Variants in PPP5C observed in about 807,000 individuals in gnomAD.
PPP5C encodes serine/threonine-protein phosphatase 5.
A neutral mutation model predicts 66.7 loss-of-function variants in PPP5C; 21 were observed. That is an observed-to-expected ratio of 0.31 (90% CI 0.22 to 0.45). The LOEUF (loss-of-function observed/expected upper bound fraction) is 0.45, where lower values mean the gene tolerates loss of function less well. PPP5C is among the 20% of genes least tolerant of loss of function. PPP5C has a pLI of 1.00. For synonymous variants in PPP5C, 246 were observed against 257.4 expected (o/e 0.96, Z 0.43); for missense variants, 464 against 675.9 (o/e 0.69, Z 3.48).
At chr19:46,370,196 A>G (rs555638721) in intron 2 of PPP5C, among the ~76,000 whole-genome samples, 52 of 152,202 alleles carry the variant, frequency 3.4e-4, no homozygotes, top group Non-Finnish European at 6.0e-4. Context: ...ATTTTTTAAA[A>G]CTTTCTCACT....
At chr19:46,360,104 A>G (rs1052734740) in intron 2 of PPP5C, among the ~76,000 whole-genome samples, 2 of 152,212 alleles carry the variant, frequency 1.3e-5, no homozygotes, top group Admixed American at 1.3e-4. Context: ...GAGAAGAATT[A>G]AAGTAAAACA....
intron 6 of PPP5C, 83 bp from the exon 7 acceptor site, chr19:46,384,721 G>A: frequency 9.4e-7 from 1 of 1,058,378 alleles, no homozygotes; most frequent in South Asian, 1.3e-5. Context: ...CAGCCCATCT[G>A]GCCCATCTTC....
At chr19:46,363,652 T>G (rs1245285965) in intron 2 of PPP5C, among the ~76,000 whole-genome samples, 1 of 151,954 alleles carries the variant, frequency 6.6e-6, no homozygotes, top group Non-Finnish European at 1.5e-5. Flanking sequence ...ATGGTCTCGA[T>G]CTCCTGACCT....
chr19:46,387,511 CCCCTGCAACCCAG>C, intron 9 of PPP5C, 58 bp downstream of exon 9: 1 of 1,613,584 alleles, frequency 6.2e-7, no homozygotes, highest in Non-Finnish European at 8.5e-7. Context: ...GCTGAGCTCT[CCCCTGCAACCCAG>C]CCCTGCCTCG....
At chr19:46,386,232 G>A (rs934517432) in intron 7 of PPP5C, among the ~76,000 whole-genome samples, 2 of 152,196 alleles carry the variant, frequency 1.3e-5, no homozygotes, top group African/African-American at 2.4e-5. Flanking sequence ...GTCCAGATGA[G>A]ATTAGACAAG....
chr19:46,387,044 C>T (rs1972901730), intron 7 of PPP5C, 49 bp from the exon 8 acceptor site: 11 of 1,613,522 alleles, frequency 6.8e-6, no homozygotes, highest in Non-Finnish European at 9.3e-6. Flanking sequence ...CTGGAGGACA[C>T]TGATGTACCT....
chr19:46,375,046 C>T (rs2147388544), intron 2 of PPP5C, among the ~76,000 whole-genome samples: 1 of 152,362 alleles, frequency 6.6e-6, no homozygotes, highest in East Asian at 1.9e-4. Context: ...CCACCTGCCC[C>T]TGCTGCATGC....
At chr19:46,357,757 G>A (rs192497839) in intron 2 of PPP5C, among the ~76,000 whole-genome samples, 8 of 152,318 alleles carry the variant, frequency 5.3e-5, no homozygotes, top group South Asian at 4.1e-4. Flanking sequence ...GATGAGATGC[G>A]CAGAGCAACG....
intron 11 of PPP5C, 110 bp from the exon 12 acceptor site, chr19:46,389,941 C>T: frequency 1.1e-6 from 1 of 924,280 alleles, no homozygotes; most frequent in Non-Finnish European, 1.7e-6. Flanking sequence ...TCTGTTGTGG[C>T]TCTGTCCCTC....
chr19:46,352,759 G>T (rs376428562), intron 1 of PPP5C, among the ~76,000 whole-genome samples: 5 of 150,916 alleles, frequency 3.3e-5, no homozygotes, highest in African/African-American at 1.2e-4. Flanking sequence ...GGCGGAGCTT[G>T]CAGTGAGCGG....
rs1402878117 is a variant in PPP5C, at chr19:46,383,610, G to C, written c.699+134G>C. 3.7e-6 allele frequency: 4 copies of C among 1,082,254 alleles called. 1 individual carries two copies. In the African/African-American group the frequency reaches 6.4e-5, roughly 17 times the overall value. The allele number at this position is 1,082,254 out of a possible 1,614,324, so 67.0% of individuals were successfully genotyped here. ...ACCCCACCCCTGTGCCTTTCCTCCT[G>C]AATATCCCATTTCTCTCCTGGCCTC... is the stretch of plus-strand genomic sequence containing the variant. On this transcript the variant is annotated intron_variant, in intron 5 of 12. Coordinates refer to ENST00000012443, the MANE Select transcript of PPP5C (RefSeq NM_006247.4). The surrounding 1 kb of genome is among the most constrained non-coding windows in gnomAD (Gnocchi z 5.0).
chr19:46,390,599 T>G lies in PPP5C; in HGVS notation c.*253T>G. 1.5e-6 allele frequency: 2 copies of G among 1,358,990 alleles called. No individual in the cohort carries two copies. The highest frequency in any genetic ancestry group is 1.9e-6 in the Non-Finnish European group (2 of 1,050,936). The allele number at this position is 1,358,990 out of a possible 1,614,324, so 84.2% of individuals were successfully genotyped here. On this transcript the variant is annotated 3_prime_UTR_variant, in exon 13 of 13. Transcript: ENST00000012443. ...GGCTGGGGGCACAGCCTGGGCATTC[T>G]GTGGGGAGGCCGTCCTCGGGGTGGG...
Position 46,369,786 on chromosome 19 carries a change from C to T in PPP5C, c.364-5818C>T, listed in dbSNP as rs139671471. On this transcript the variant is annotated intron_variant, in intron 2 of 12. Transcript: ENST00000012443. Reference sequence around the variant, plus strand: ...ACTAAAAATACAAAAATTAGCCAGGCGTGGTGGCATGCTCCTGTAATCCCA... The same window carrying T: ...ACTAAAAATACAAAAATTAGCCAGGTGTGGTGGCATGCTCCTGTAATCCCA... Among the ~76,000 whole-genome samples the T allele has an allele frequency of 6.3e-3, 954 of 151,758 alleles. 11 individuals are homozygous for T. Among genetic ancestry groups the T allele is most frequent in the African/African-American group, 0.022 (908 of 41,352 alleles).
intron 6 of PPP5C, chr19:46,384,130 T>C: frequency 1.9e-6 from 1 of 513,358 alleles, no homozygotes; most frequent in Non-Finnish European, 3.5e-6. Flanking sequence ...TCTCTGGGTC[T>C]TGGCTTGTCT....
intron 1 of PPP5C, among the ~76,000 whole-genome samples, chr19:46,350,460 C>T (rs1257683050): frequency 6.6e-6 from 1 of 152,178 alleles, no homozygotes; most frequent in Non-Finnish European, 1.5e-5. Context: ...GACCTGGGAT[C>T]CAGGCTCTCA....
chr19:46,383,049 G>T lies in PPP5C; in HGVS notation c.634-362G>T. 2 of 1,078,966 alleles carry T rather than the reference G, an allele frequency of 1.9e-6. No individual in the cohort carries two copies. Among genetic ancestry groups the T allele is most frequent in the Non-Finnish European group, 1.2e-6 (1 of 849,170 alleles). 66.8% of individuals were successfully genotyped at this position (1,078,966 alleles called of 1,614,324 possible). ...ACCTAGAAAGTCTCACTTCTTTTTTGGGAGACTCTTTTATGACAGTGACAT... is the reference window on the plus strand; with the variant it reads ...ACCTAGAAAGTCTCACTTCTTTTTTTGGAGACTCTTTTATGACAGTGACAT... On this transcript the variant is annotated intron_variant, in intron 4 of 12. Transcript: ENST00000012443. The surrounding 1 kb of genome is among the most constrained non-coding windows in gnomAD (Gnocchi z 5.0).
In PPP5C at chr19:46,376,345, G is replaced by A. The variant is rs1379864133; in HGVS notation, c.512-108G>A. The stretch of plus-strand genomic sequence containing the variant: ...TCTTCACTCACTCTGTCCCGCTCTC[G>A]ACCTGTGTGTCCACACCCAAGTTTT... On this transcript the variant is annotated intron_variant, in intron 3 of 12. Transcript: ENST00000012443. This position sits in a 1 kb window ranked among gnomAD's most constrained non-coding sequence, Gnocchi z 5.1. The A allele has an allele frequency of 7.0e-6, 10 of 1,438,360 alleles. No homozygotes were observed. In the Admixed American group the frequency reaches 9.2e-5, roughly 13 times the overall value. 89.1% of individuals were successfully genotyped at this position (1,438,360 alleles called of 1,614,324 possible).
chr19:46,352,779 C>T (rs1381009228), intron 1 of PPP5C, among the ~76,000 whole-genome samples: 1 of 150,608 alleles, frequency 6.6e-6, no homozygotes, highest in African/African-American at 2.4e-5. Flanking sequence ...GAGATCGCAC[C>T]GCTGCACTCC....
Position 46,387,557 on chromosome 19 carries a change from G to C in PPP5C, c.1135+104G>C, listed in dbSNP as rs531527923. On this transcript the variant is annotated intron_variant, in intron 9 of 12. Transcript: ENST00000012443. ...TCGGAGGATGGGCTTTGTGCCCTTG[G>C]CAAGAAACAGCGGGTCTGAGCCTCA... 3.8e-4 allele frequency: 607 copies of C among 1,590,366 alleles called. 5 individuals are homozygous for C. In the Middle Eastern group the frequency reaches 0.013, roughly 34 times the overall value.
Sources: gnomAD v4.1 joint callset for allele counts (sites outside exome capture counted in the v4.1 genomes callset) on GRCh38, gnomAD v4.1.1 for gene constraint, Gnocchi (gnomAD v3.1) non-coding constraint, MANE v1.5 for transcripts, NCBI Gene and HGNC (gene_info 2026-07-23, HGNC 2026-07-21) for gene names.